Variants in FCRL3 observed in about 807,000 individuals in gnomAD.
The protein encoded by FCRL3 is Fc receptor-like protein 3.
A neutral mutation model predicts 75.0 loss-of-function variants in FCRL3; 89 were observed. That is an observed-to-expected ratio of 1.19 (90% CI 1.00 to 1.42). FCRL3 has a LOEUF of 1.42. Among genes scored for constraint, FCRL3 ranks in the 40% most tolerant of loss-of-function variants. FCRL3 has a pLI of 0.00. For synonymous variants in FCRL3, 376 were observed against 348.5 expected, an observed-to-expected ratio of 1.08 and a Z score of -0.88; for missense variants, 946 against 880.0, an observed-to-expected ratio of 1.07 and a Z score of -0.95.
At position 157,696,067 on chromosome 1, in the gene FCRL3, T is replaced by C; in HGVS notation, c.1105A>G (p.Ser369Gly). The change falls in exon 7 of 15, where the codon AGC becomes GGC. Residue 369 changes from serine to glycine, a missense_variant. Physicochemically the swap from Ser to Gly is moderately conservative, Grantham distance 56. Coordinates refer to ENST00000368184, the MANE Select transcript of FCRL3 (RefSeq NM_052939.4). ...CTCACGGTGACTCGAATCCACGTGC[T>C]GAGGATGGGGCTGTGAACGTTATCA... is the stretch of plus-strand genomic sequence containing the variant. Reference protein sequence around the residue: ...AADNVHSPILSTWIRVTVRIP... With the variant: ...AADNVHSPILGTWIRVTVRIP... 6.2e-7 allele frequency: 1 copy of C among 1,611,794 alleles called. No individual in the cohort carries two copies. The highest frequency in any genetic ancestry group is 8.5e-7 in the Non-Finnish European group (1 of 1,179,028).
rs529239679 is a variant in FCRL3 at position 157,690,348 on chromosome 1, A to G, written c.1597T>C (p.Ser533Pro). The change falls in exon 9 of 15, where the codon TCT becomes CCT. Residue 533 changes from serine to proline, a missense_variant. Transcript: ENST00000368184. The stretch of plus-strand genomic sequence containing the variant: ...TTTCCAGAATGTTCTGTAGTCAGAG[A>G]GAGGTTGAAGGATGCCCCTCCTCCA... ...HSGGGASFNL[S>P]LTTEHSGNYS... 5.4e-5 allele frequency: 87 copies of G among 1,614,202 alleles called. No individual in the cohort carries two copies. In the South Asian group the frequency reaches 8.7e-4, roughly 16 times the overall value.
In FCRL3 at chr1:157,696,347, C is replaced by T; in HGVS notation, c.845-20G>A. The T allele has an allele frequency of 4.3e-6, 7 of 1,611,922 alleles. No individual in the cohort carries two copies. Among genetic ancestry groups the T allele is most frequent in the South Asian group, 2.2e-5 (2 of 91,022 alleles). On this transcript the variant is annotated intron_variant, in intron 6 of 14. Coordinates refer to ENST00000368184, the MANE Select transcript of FCRL3 (RefSeq NM_052939.4). ...GGACTCCTGGGGGAACACAAGATGGCATGTGAAGGTCCTGATGGCAGGGAC... is the reference window on the plus strand; with the variant it reads ...GGACTCCTGGGGGAACACAAGATGGTATGTGAAGGTCCTGATGGCAGGGAC...
In FCRL3 at chr1:157,678,674, G is replaced by T. The variant is rs373858150; in HGVS notation, c.*36C>A. ...TGGAGAGAACAGAAAAAAAAATGGT[G>T]CAGGCTGTTTCCTGTGGGCCACTCT... On this transcript the variant is annotated 3_prime_UTR_variant, in exon 15 of 15. Coordinates refer to ENST00000368184, the MANE Select transcript of FCRL3 (RefSeq NM_052939.4). The T allele has an allele frequency of 3.1e-6, 5 of 1,609,664 alleles. No homozygotes were observed. The African/African-American group carries it at 5.3e-5, about 17-fold the overall frequency.
intron 7 of FCRL3, among the ~76,000 whole-genome samples, chr1:157,695,814 G>A (rs1256693435): frequency 1.3e-5 from 2 of 151,896 alleles, no homozygotes; most frequent in Non-Finnish European, 2.9e-5. Context: ...TCACCACTCA[G>A]TCTTCCCCGC....
At chr1:157,698,274 C>A in intron 4 of FCRL3, 110 bp downstream of exon 4, 2 of 1,296,522 alleles carry the variant, frequency 1.5e-6, no homozygotes, top group Non-Finnish European at 1.1e-6. Context: ...GGGGTCAGTG[C>A]ATCAATCCCC....
intron 12 of FCRL3, 76 bp downstream of exon 12, chr1:157,680,905 G>GC: frequency 7.0e-7 from 1 of 1,430,542 alleles, no homozygotes; most frequent in Non-Finnish European, 9.7e-7. Flanking sequence ...TTGTGACAGG[G>GC]CCATGGGCTG....
rs1461296828 is a variant in FCRL3, at chr1:157,676,880, G to A, written c.*1830C>T. ...TCCAAATCAGCAGCAGGGTTAGAAAGGAGGAGAGCCTCCATATACAGCCTG... is the reference window on the plus strand; with the variant it reads ...TCCAAATCAGCAGCAGGGTTAGAAAAGAGGAGAGCCTCCATATACAGCCTG... On this transcript the variant is annotated 3_prime_UTR_variant, in exon 15 of 15. Transcript: ENST00000368184. The A allele has an allele frequency of 1.3e-6, 2 of 1,511,612 alleles. No individual in the cohort carries two copies. The highest frequency in any genetic ancestry group is 4.9e-5 in the East Asian group (2 of 40,444). The allele number at this position is 1,511,612 out of a possible 1,614,324, so 93.6% of individuals were successfully genotyped here. A position where few individuals can be genotyped will look rare whatever the true frequency, so the allele number is the denominator to read the frequency against.
In FCRL3 at chr1:157,681,032, T is replaced by G. The variant is rs1203024031; in HGVS notation, c.1906A>C (p.Thr636Pro). The change falls in exon 12 of 15, where the codon ACT becomes CCT. Residue 636 changes from threonine to proline, a missense_variant. Physicochemically the swap from Thr to Pro is conservative, Grantham distance 38. Transcript: ENST00000368184. ...RPSRIDPQEPTHSKPLAPMEL... is the reference protein window; with the variant it reads ...RPSRIDPQEPPHSKPLAPMEL... ...ATTGGGGCTAGTGGTTTAGAGTGAG[T>G]GGGCTCTTGAGGGTCTATCCTGGAA... The G allele has an allele frequency of 6.2e-7, 1 of 1,606,636 alleles. No individual in the cohort carries two copies. The highest frequency in any genetic ancestry group is 8.5e-7 in the Non-Finnish European group (1 of 1,177,530).
chr1:157,695,424 A>T lies in FCRL3; in HGVS notation c.1316T>A (p.Leu439His), dbSNP rs772366880. The change falls in exon 8 of 15, where the codon CTC (leucine) becomes CAC (histidine). Residue 439 changes from leucine to histidine, a missense_variant. By Grantham distance (99) the Leu-to-His change is moderately conservative. Transcript: ENST00000368184. ...TCCAGAATGTTCTGCAGTCAGAGAG[A>T]GGTTGAAGGAGGCTCCTCCTCCAGA... ...APSGGGASFN[L>H]SLTAEHSGNY... The T allele has an allele frequency of 5.0e-6, 8 of 1,614,014 alleles. No individual in the cohort carries two copies. Among genetic ancestry groups the T allele is most frequent in the African/African-American group, 1.3e-5 (1 of 74,906 alleles).
Position 157,678,651 on chromosome 1 carries a change from G to A in FCRL3, c.*59C>T. ...TGGAGAGATGGATGATGTGTGGTTGGAGAGAACAGAAAAAAAAATGGTGCA... is the reference window on the plus strand; with the variant it reads ...TGGAGAGATGGATGATGTGTGGTTGAAGAGAACAGAAAAAAAAATGGTGCA... On this transcript the variant is annotated 3_prime_UTR_variant, in exon 15 of 15. Coordinates refer to ENST00000368184, the MANE Select transcript of FCRL3 (RefSeq NM_052939.4). 1 of 1,602,394 alleles carries A rather than the reference G, an allele frequency of 6.2e-7. No individual in the cohort carries two copies. The highest frequency in any genetic ancestry group is 1.1e-5 in the South Asian group (1 of 90,144).
Position 157,690,527 on chromosome 1 carries a change from AC to A in FCRL3, c.1417del (p.Val473CysfsTer28), listed in dbSNP as rs1333583448. 8 of 1,613,756 alleles carry A rather than the reference AC, an allele frequency of 5.0e-6. No individual in the cohort carries two copies. Among genetic ancestry groups the A allele is most frequent in the Non-Finnish European group, 6.8e-6 (8 of 1,179,820 alleles). On this transcript the variant is annotated frameshift_variant, in exon 9 of 15. Transcript: ENST00000368184. LOFTEE classifies it high-confidence loss of function. ...CCTGAGGGTGAGGACGGGGCGAGAC[AC>A]CGGAACTGAGGGAGGAAAAATAGTT... ...HGVSLRVTVPVSRPVLTLRAP... is the reference protein window; with the variant it reads ...HGVSLRVTVPXSRPVLTLRAP...
At chr1:157,682,125 C>T (rs796383589) in intron 11 of FCRL3, among the ~76,000 whole-genome samples, 13 of 152,108 alleles carry the variant, frequency 8.5e-5, no homozygotes, top group South Asian at 6.2e-4. Flanking sequence ...TTGAGTTCAT[C>T]GTAGATTCCG....
intron 8 of FCRL3, among the ~76,000 whole-genome samples, chr1:157,692,528 G>C (rs1226267793): frequency 2.0e-5 from 3 of 152,210 alleles, no homozygotes. Flanking sequence ...GAGCCACTGT[G>C]CCTGGCCAAA....
chr1:157,700,731 T>G lies in FCRL3; in HGVS notation c.-166A>C. 7.1e-7 allele frequency: 1 copy of G among 1,404,918 alleles called. No homozygotes were observed. Among genetic ancestry groups the G allele is most frequent in the Non-Finnish European group, 9.3e-7 (1 of 1,078,236 alleles). 87.0% of individuals were successfully genotyped at this position (1,404,918 alleles called of 1,614,324 possible). On this transcript the variant is annotated 5_prime_UTR_variant, in exon 1 of 15. The change abolishes an upstream ATG in the 5' untranslated region. Coordinates refer to ENST00000368184, the MANE Select transcript of FCRL3 (RefSeq NM_052939.4). ...TTTAGAAGTTGGGGCTCATCTTCCA[T>G]CAGCTGCAGTCTCTCAGGAGTAATG...
intron 4 of FCRL3, 164 bp from the exon 5 acceptor site, chr1:157,698,083 G>T: frequency 1.2e-6 from 1 of 807,274 alleles, no homozygotes; most frequent in Non-Finnish European, 1.9e-6. Context: ...TGCCCTACAA[G>T]GGTGAACCAA....
Position 157,681,095 on chromosome 1 carries a change from T to G in FCRL3, c.1843A>C (p.Ser615Arg), listed in dbSNP as rs771583660. 1.3e-6 allele frequency: 2 copies of G among 1,549,920 alleles called. No homozygotes were observed. The highest frequency in any genetic ancestry group is 1.7e-6 in the Non-Finnish European group (2 of 1,154,206). The change falls in exon 12 of 15, where the codon AGT (serine) becomes CGT (arginine). Residue 615 changes from serine to arginine, a missense_variant. Coordinates refer to ENST00000368184, the MANE Select transcript of FCRL3 (RefSeq NM_052939.4). ...GLSATGTSSH[S>R]PSECQEPSSS... The stretch of plus-strand genomic sequence containing the variant: ...GAAGGCTCCTGACACTCACTAGGAC[T>G]GTGACTGTGACAGAGGGGGAGAGAA...
intron 8 of FCRL3, among the ~76,000 whole-genome samples, chr1:157,693,198 C>A (rs1180998948): frequency 6.8e-6 from 1 of 146,442 alleles, no homozygotes; most frequent in African/African-American, 2.5e-5. Context: ...TCGCTTGAAC[C>A]TGGGAGGTGG....
rs1293648252 is a variant in FCRL3 at position 157,676,687 on chromosome 1, C to T, written c.*2023G>A. On this transcript the variant is annotated 3_prime_UTR_variant, in exon 15 of 15. Transcript: ENST00000368184. ...CAGTTAGGACTCACCCCTTCTTCCA[C>T]TCACATACTCTGATTTGCACAGGGC... is the stretch of plus-strand genomic sequence containing the variant. 5.2e-6 allele frequency: 8 copies of T among 1,547,110 alleles called. No individual in the cohort carries two copies. The highest frequency in any genetic ancestry group is 4.4e-6 in the Non-Finnish European group (5 of 1,144,036).
Position 157,677,957 on chromosome 1 carries a change from T to A in FCRL3, c.*753A>T. Reference sequence around the variant, plus strand: ...TATTGTCTCGGGGTTAATGGGTGCTTATAAGAATAAAACTGACTGACTAGA... The same window carrying A: ...TATTGTCTCGGGGTTAATGGGTGCTAATAAGAATAAAACTGACTGACTAGA... On this transcript the variant is annotated 3_prime_UTR_variant, in exon 15 of 15. Coordinates refer to ENST00000368184, the MANE Select transcript of FCRL3 (RefSeq NM_052939.4). The A allele has an allele frequency of 1.0e-6, 1 of 985,172 alleles. No individual in the cohort carries two copies. The highest frequency in any genetic ancestry group is 1.2e-6 in the Non-Finnish European group (1 of 829,764). 61.0% of individuals were successfully genotyped at this position (985,172 alleles called of 1,614,324 possible).
Sources: gnomAD v4.1 joint callset for allele counts (sites outside exome capture counted in the v4.1 genomes callset) on GRCh38, gnomAD v4.1.1 for gene constraint, MANE v1.5 for transcripts, NCBI Gene and HGNC (gene_info 2026-07-23, HGNC 2026-07-21) for gene names.